The following KATNAL2 variants were observed in gnomAD, a reference collection of about 807,000 sequenced individuals.
KATNAL2 encodes the protein katanin p60 ATPase-containing subunit A-like 2.
In KATNAL2, 52 loss-of-function variants were observed where a neutral mutation model predicts 76.3. That is an observed-to-expected ratio of 0.68 (90% CI 0.55 to 0.86). The LOEUF is 0.86. Among genes scored for constraint, KATNAL2 ranks in the 40% least tolerant of loss-of-function variants. The probability of loss-of-function intolerance (pLI) is 0.00; values close to 1 mark genes in which losing one functional copy is unlikely to be tolerated. For synonymous variants in KATNAL2, 243 were observed against 244.2 expected, an observed-to-expected ratio of 1.00 and a Z score of 0.05; for missense variants, 660 against 668.9, an observed-to-expected ratio of 0.99 and a Z score of 0.15.
At chr18:47,036,552 A>C (rs1360751356) in intron 3 of KATNAL2, among the ~76,000 whole-genome samples, 2 of 152,200 alleles carry the variant, frequency 1.3e-5, no homozygotes, top group African/African-American at 2.4e-5. Flanking sequence ...ATCCCCGCTT[A>C]CAAATCTTGG....
In KATNAL2 at chr18:47,063,350, G is replaced by A. The variant is rs778917051; in HGVS notation, c.715G>A (p.Val239Met). The A allele has an allele frequency of 1.8e-5, 29 of 1,613,708 alleles. No individual in the cohort carries two copies. The highest frequency in any genetic ancestry group is 2.4e-5 in the Non-Finnish European group (28 of 1,179,832). The change falls in exon 10 of 18, where the codon GTG becomes ATG. Residue 239 changes from valine to methionine, a missense_variant. By Grantham distance (21) the Val-to-Met change is conservative. Coordinates refer to ENST00000683218, the MANE Select transcript of KATNAL2 (RefSeq NM_001387690.1). ...MNSEMRELAAVVSRDIYLHNP... is the reference protein window; with the variant it reads ...MNSEMRELAAMVSRDIYLHNP... ...CAGTGAGATGCGAGAATTGGCAGCC[G>A]TGGTGAGCCGGGTAAGATCTGATAT...
Position 47,100,900 on chromosome 18 carries a change from A to C in KATNAL2, c.1512A>C (p.Ile504=), listed in dbSNP as rs375993240. 3 of 1,614,066 alleles carry C rather than the reference A, an allele frequency of 1.9e-6. No individual in the cohort carries two copies. ...SSDLPRIQLD[I]VTTADFLDVL... The stretch of plus-strand genomic sequence containing the variant: ...ACTTACCCAGGATCCAGTTGGATAT[A>C]GTAACCACTGCCGACTTTCTGGATG... Residue 504 remains isoleucine (I), a synonymous_variant, in exon 18 of 18, where the codon ATA becomes ATC. Coordinates refer to ENST00000683218, the MANE Select transcript of KATNAL2 (RefSeq NM_001387690.1).
chr18:47,033,032 C>T, intron 3 of KATNAL2: 1 of 1,614,140 alleles, frequency 6.2e-7, no homozygotes, highest in South Asian at 1.1e-5. Context: ...CTCTTGTAGT[C>T]TCGAATTGCC....
In KATNAL2 at chr18:47,100,733, T is replaced by C. The variant is rs143029258; in HGVS notation, c.1478-133T>C. On this transcript the variant is annotated intron_variant, in intron 17 of 17. Transcript: ENST00000683218. Reference sequence around the variant, plus strand: ...AATTTTTCCCCAGCCCTCTTTAGTCTTGCCTTTTGCTGCATTAACAATTAA... The same window carrying C: ...AATTTTTCCCCAGCCCTCTTTAGTCCTGCCTTTTGCTGCATTAACAATTAA... 550 of 1,140,614 alleles carry C rather than the reference T, an allele frequency of 4.8e-4. 3 individuals carry two copies. In the African/African-American group the frequency reaches 7.7e-3, roughly 16 times the overall value. 70.7% of individuals were successfully genotyped at this position (1,140,614 alleles called of 1,614,324 possible). A position where few individuals can be genotyped will look rare whatever the true frequency, so the allele number is the denominator to read the frequency against.
chr18:47,101,276 A>G lies in KATNAL2; in HGVS notation c.*271A>G. 3.2e-6 allele frequency: 1 copy of G among 310,668 alleles called. No homozygotes were observed. The highest frequency in any genetic ancestry group is 2.1e-5 in the African/African-American group (1 of 48,326). The allele number at this position is 310,668 out of a possible 1,614,324, so 19.2% of individuals were successfully genotyped here. On this transcript the variant is annotated 3_prime_UTR_variant, in exon 18 of 18. Coordinates refer to ENST00000683218, the MANE Select transcript of KATNAL2 (RefSeq NM_001387690.1). ...GATTTTTCTGACAATTAGACTCCAT[A>G]AAATTTTAATGAACAATTTTCTGTA...
chr18:47,031,012 T>TA (rs2060385506), intron 3 of KATNAL2, among the ~76,000 whole-genome samples: 1 of 6,624 alleles, frequency 1.5e-4, no homozygotes, highest in African/African-American at 4.8e-4. Flanking sequence ...CTCTAGCATC[T>TA]CCCCCCCCCC....
intron 15 of KATNAL2, among the ~76,000 whole-genome samples, chr18:47,093,851 G>A (rs1484606018): frequency 6.6e-6 from 1 of 152,112 alleles, no homozygotes; most frequent in African/African-American, 2.4e-5. Flanking sequence ...GATTTCTCCA[G>A]CTTTATCTTC....
chr18:47,090,617 G>A (rs187919173), intron 15 of KATNAL2, among the ~76,000 whole-genome samples: 32 of 152,266 alleles, frequency 2.1e-4, no homozygotes, highest in Non-Finnish European at 3.4e-4. Flanking sequence ...AAATATACAA[G>A]GGAAAGAGGC....
intron 1 of KATNAL2, among the ~76,000 whole-genome samples, chr18:46,935,561 C>T (rs1033454761): frequency 5.4e-4 from 82 of 152,030 alleles, no homozygotes; most frequent in African/African-American, 1.9e-3. Flanking sequence ...GTAGCTCGTA[C>T]TACAGGCATG....
intron 3 of KATNAL2, among the ~76,000 whole-genome samples, chr18:46,955,009 T>C (rs1359870149): frequency 6.6e-6 from 1 of 152,186 alleles, no homozygotes; most frequent in East Asian, 1.9e-4. Flanking sequence ...TTTTTGGTTT[T>C]CTTTGCTTTT....
intron 1 of KATNAL2, among the ~76,000 whole-genome samples, chr18:46,924,119 C>A (rs1172660432): frequency 6.6e-6 from 1 of 152,128 alleles, no homozygotes; most frequent in Non-Finnish European, 1.5e-5. Context: ...GTTGCCATTG[C>A]TTTTGGTGTT....
chr18:47,044,669 G>A (rs565436322), intron 3 of KATNAL2, among the ~76,000 whole-genome samples: 2 of 151,756 alleles, frequency 1.3e-5, no homozygotes, highest in East Asian at 3.9e-4. Context: ...GCTGAGGCAG[G>A]AGAATTGCTT....
chr18:47,072,195 A>G (rs1225139681), intron 13 of KATNAL2, among the ~76,000 whole-genome samples: 1 of 151,770 alleles, frequency 6.6e-6, no homozygotes, highest in Non-Finnish European at 1.5e-5. Context: ...TGACCTTGTG[A>G]TCTGCCTACC....
intron 3 of KATNAL2, among the ~76,000 whole-genome samples, chr18:47,031,224 C>A (rs2060405969): frequency 6.6e-6 from 1 of 151,118 alleles, no homozygotes; most frequent in African/African-American, 2.4e-5. Context: ...AAAATCTCCT[C>A]GGAAAGGCTT....
In KATNAL2 at chr18:47,032,949, A is replaced by G. The variant is rs934389534; in HGVS notation, c.52-13508A>G. ...AAGTTTCGTTCCCCAACCCGCATTG[A>G]CTTTGCCAATGCAAAAATCCCCCCA... On this transcript the variant is annotated intron_variant, in intron 3 of 17. Coordinates refer to ENST00000683218, the MANE Select transcript of KATNAL2 (RefSeq NM_001387690.1). 4.3e-6 allele frequency: 7 copies of G among 1,612,906 alleles called. No homozygotes were observed. The Admixed American group carries it at 1.0e-4, about 23-fold the overall frequency.
chr18:47,042,607 G>A (rs55648852), intron 3 of KATNAL2, among the ~76,000 whole-genome samples: 1,682 of 152,064 alleles, frequency 0.011, 18 homozygotes, highest in Non-Finnish European at 0.017. Flanking sequence ...GAAGCTCCTG[G>A]AAATTAAAAA....
rs753665816 is a variant in KATNAL2, at chr18:46,950,055, G to A, written c.51+3132G>A. 3.9e-4 allele frequency among the ~76,000 whole-genome samples: 60 copies of A among 152,076 alleles called. 2 individuals carry two copies. The highest frequency in any genetic ancestry group is 8.8e-5 in the Non-Finnish European group (6 of 68,030). On this transcript the variant is annotated intron_variant, in intron 3 of 17. Transcript: ENST00000683218. ...CATGCTTTTCCTCTCCATTTTCTGTGTTGCCTCTCAGTGCTCCAGCCACAT... is the reference window on the plus strand; with the variant it reads ...CATGCTTTTCCTCTCCATTTTCTGTATTGCCTCTCAGTGCTCCAGCCACAT...
intron 15 of KATNAL2, among the ~76,000 whole-genome samples, chr18:47,081,606 C>T (rs2062524923): frequency 6.6e-6 from 1 of 152,196 alleles, no homozygotes; most frequent in Non-Finnish European, 1.5e-5. Flanking sequence ...TTTGTCTTCC[C>T]TCATGCTGCT....
chr18:46,936,529 C>T (rs1375570532), intron 1 of KATNAL2, among the ~76,000 whole-genome samples: 1 of 152,098 alleles, frequency 6.6e-6, no homozygotes, highest in Non-Finnish European at 1.5e-5. Context: ...CGATTGAGCC[C>T]ATAAGTTTGA....
Sources: gnomAD v4.1 joint callset for allele counts (sites outside exome capture counted in the v4.1 genomes callset) on GRCh38, gnomAD v4.1.1 for gene constraint, MANE v1.5 for transcripts, NCBI Gene and HGNC (gene_info 2026-07-23, HGNC 2026-07-21) for gene names.